Variants in PLCH2 observed in about 807,000 individuals in gnomAD.
PLCH2 encodes the protein 1-phosphatidylinositol 4,5-bisphosphate phosphodiesterase eta-2.
In PLCH2, 98 loss-of-function variants were observed where a neutral mutation model predicts 134.7. The ratio of observed to expected loss-of-function variants is 0.73; its 90% confidence interval spans 0.62 to 0.86. PLCH2 has a LOEUF of 0.86. Among genes scored for constraint, PLCH2 ranks in the 40% least tolerant of loss-of-function variants. PLCH2 has a pLI of 0.00. For missense variants in PLCH2, 1,994 were observed against 1,986.6 expected, an observed-to-expected ratio of 1.00 and a Z score of -0.07; for synonymous variants, 974 against 827.5, an observed-to-expected ratio of 1.18 and a Z score of -3.04.
At chr1:2,491,744 T>C (rs982112796) in intron 11 of PLCH2, among the ~76,000 whole-genome samples, 6 of 152,228 alleles carry the variant, frequency 3.9e-5, no homozygotes, top group African/African-American at 4.8e-5. Flanking sequence ...CAGAGCCTCC[T>C]TGTAGACCTT....
chr1:2,499,302 T>A (rs1407239088), intron 19 of PLCH2, 72 bp downstream of exon 19: 32 of 1,532,570 alleles, frequency 2.1e-5, no homozygotes, highest in Non-Finnish European at 2.5e-5. Flanking sequence ...CTCTTTCCCC[T>A]GTGAGTCAGT....
At chr1:2,490,431 G>A (rs1233038179) in intron 10 of PLCH2, among the ~76,000 whole-genome samples, 1 of 152,170 alleles carries the variant, frequency 6.6e-6, no homozygotes, top group Non-Finnish European at 1.5e-5. Flanking sequence ...CCAGGGCCAG[G>A]GTGGGGGGCT....
At chr1:2,502,532 G>C (rs911292556) in intron 21 of PLCH2, 123 bp downstream of exon 21, 1 of 1,065,542 alleles carries the variant, frequency 9.4e-7, no homozygotes, top group Non-Finnish European at 1.4e-6. Flanking sequence ...GGGATCCTGC[G>C]CCGGCGTGAA....
chr1:2,471,251 C>G (rs1256241165), intron 1 of PLCH2, among the ~76,000 whole-genome samples: 1 of 152,212 alleles, frequency 6.6e-6, no homozygotes, highest in Non-Finnish European at 1.5e-5. Flanking sequence ...CCCTGGCTGT[C>G]CCGAAGAGGC....
chr1:2,441,851 C>A (rs1210931622), intron 2 of PLCH2, among the ~76,000 whole-genome samples: 1 of 152,156 alleles, frequency 6.6e-6, no homozygotes, highest in Non-Finnish European at 1.5e-5. Context: ...ATTAAGGCAG[C>A]CACACCTCAG....
intron 10 of PLCH2, 81 bp downstream of exon 10, chr1:2,489,948 A>T: frequency 9.4e-7 from 1 of 1,065,460 alleles, no homozygotes; most frequent in Admixed American, 1.7e-5. Context: ...TGTTGGGGCG[A>T]GTTAGAAAGG....
At chr1:2,503,748 C>T (rs907296292) in intron 21 of PLCH2, 174 bp from the exon 22 acceptor site, 3 of 617,502 alleles carry the variant, frequency 4.9e-6, no homozygotes, top group Admixed American at 2.6e-5. Flanking sequence ...GGTGGGGACA[C>T]CGAGTGTGCC....
At chr1:2,462,972 A>G (rs571106332), upstream of PLCH2, among the ~76,000 whole-genome samples, 2 of 152,272 alleles carry the variant, frequency 1.3e-5, no homozygotes, top group Admixed American at 1.3e-4. Context: ...GCAACACGGA[A>G]TTCGCTTTGA....
At chr1:2,436,341 A>T (rs1427532314) in intron 2 of PLCH2, among the ~76,000 whole-genome samples, 138 of 1,470 alleles carry the variant, frequency 0.094, 18 homozygotes, top group East Asian at 0.17. Flanking sequence ...TCCTCCCTCC[A>T]CCTTTCCTCC....
At chr1:2,466,076 G>GC (rs1641045059), upstream of PLCH2, among the ~76,000 whole-genome samples, 2 of 152,288 alleles carry the variant, frequency 1.3e-5, no homozygotes, top group South Asian at 4.1e-4. Context: ...TTGCTCCTGG[G>GC]CCACTGGTTG....
rs530060565 is a variant in PLCH2 at position 2,498,789 on chromosome 1, G to A, written c.2395G>A (p.Asp799Asn). 3 of 1,611,692 alleles carry A rather than the reference G, an allele frequency of 1.9e-6. No individual in the cohort carries two copies. The highest frequency in any genetic ancestry group is 2.2e-5 in the South Asian group (2 of 90,754). ...GGTGGAGATCATTGGGCTCCCTGTG[G>A]ACTGCAGCAGGGAGCAGACCCGCGT... ...VEVEIIGLPVDCSREQTRVVD... is the reference protein window; with the variant it reads ...VEVEIIGLPVNCSREQTRVVD... The change falls in exon 18 of 22, where the codon GAC becomes AAC. Residue 799 changes from aspartate to asparagine, a missense_variant. Transcript: ENST00000378486. This position sits in a 1 kb window ranked among gnomAD's most constrained non-coding sequence, Gnocchi z 5.4.
chr1:2,451,041 C>T (rs1270570758), intron 2 of PLCH2, among the ~76,000 whole-genome samples: 3 of 151,946 alleles, frequency 2.0e-5, no homozygotes, highest in Non-Finnish European at 4.4e-5. Context: ...GGCCCTGGCC[C>T]TGCCATAGGG....
At chr1:2,441,612 C>T (rs752231779) in intron 2 of PLCH2, among the ~76,000 whole-genome samples, 14 of 152,222 alleles carry the variant, frequency 9.2e-5, no homozygotes, top group Non-Finnish European at 1.3e-4. Context: ...GAGGGAGGAG[C>T]GGCAGCTCTG....
In PLCH2 at chr1:2,484,513, G is replaced by A; in HGVS notation, c.711G>A (p.Met237Ile). 4 of 1,613,340 alleles carry A rather than the reference G, an allele frequency of 2.5e-6. No homozygotes were observed. Among genetic ancestry groups the A allele is most frequent in the East Asian group, 2.2e-5 (1 of 44,878 alleles). ...GFEEFCAFYKMMSTRRDLYLL... is the reference protein window; with the variant it reads ...GFEEFCAFYKIMSTRRDLYLL... ...AAGAGTTCTGTGCCTTCTACAAGAT[G>A]ATGTCCACCCGCCGGGACCTCTACC... Residue 237 changes from methionine (M) to isoleucine (I), a missense_variant, in exon 5 of 22, where the codon ATG becomes ATA. Physicochemically the swap from Met to Ile is conservative, Grantham distance 10. Coordinates refer to ENST00000378486, the MANE Select transcript of PLCH2 (RefSeq NM_014638.4).
At chr1:2,480,075 G>A (rs1212708853) in intron 3 of PLCH2, 98 bp downstream of exon 3, 3 of 1,579,594 alleles carry the variant, frequency 1.9e-6, no homozygotes, top group Non-Finnish European at 8.6e-7. Flanking sequence ...ACACACTGGG[G>A]AAGTGGCCGG....
intron 2 of PLCH2, among the ~76,000 whole-genome samples, chr1:2,436,286 T>G (rs1355848783): frequency 1.7e-5 from 1 of 57,176 alleles, no homozygotes; most frequent in African/African-American, 7.2e-5. Flanking sequence ...CCTTCCTCCC[T>G]CCTCCTTTCC....
rs778552165 is a variant in PLCH2, at chr1:2,498,620, C to T, written c.2322C>T (p.Arg774=). 65 of 1,570,308 alleles carry T rather than the reference C, an allele frequency of 4.1e-5. No individual in the cohort carries two copies. The highest frequency in any genetic ancestry group is 5.1e-5 in the Non-Finnish European group (59 of 1,158,136). Residue 774 remains arginine, a synonymous_variant, in exon 17 of 22, where the codon CGC becomes CGT. Transcript: ENST00000378486. This position sits in a 1 kb window ranked among gnomAD's most constrained non-coding sequence, Gnocchi z 5.4. The part of the protein sequence containing the change: ...IISGQQLPKP[R]DSMLGDRGEI... ...GTGGCCAGCAGCTTCCCAAGCCGCG[C>T]GACTCCATGCTGGGGGACCGTGGGG...
intron 2 of PLCH2, among the ~76,000 whole-genome samples, chr1:2,434,199 C>G (rs994166921): frequency 2.0e-4 from 31 of 152,244 alleles, no homozygotes; most frequent in Admixed American, 6.5e-5. Flanking sequence ...GCTGGGTGTG[C>G]CAGGGGCCGG....
chr1:2,499,286 C>A, intron 19 of PLCH2, 56 bp downstream of exon 19: 2 of 1,588,428 alleles, frequency 1.3e-6, no homozygotes, highest in Non-Finnish European at 1.7e-6. Context: ...CAGGGCAGGG[C>A]AGGTACTCTT....
Sources: allele counts gnomAD v4.1 joint callset (sites outside exome capture counted in the v4.1 genomes callset), GRCh38; gene constraint gnomAD v4.1.1; non-coding constraint Gnocchi (gnomAD v3.1); transcripts MANE v1.5; gene names NCBI Gene and HGNC (gene_info 2026-07-23, HGNC 2026-07-21).